Variants in PRKD1 observed in about 807,000 individuals in gnomAD.
PRKD1 encodes protein kinase D1.
PRKD1 carries 63 observed loss-of-function variants against 95.9 expected under a neutral mutation model. That is an observed-to-expected ratio of 0.66 (90% CI 0.54 to 0.81). The LOEUF (loss-of-function observed/expected upper bound fraction) is 0.81, where lower values mean the gene tolerates loss of function less well. Ranked by LOEUF, PRKD1 falls within the 30% of genes least tolerant of loss-of-function variation. The pLI, the probability that PRKD1 is intolerant of heterozygous loss-of-function variation, is 0.00. For synonymous variants in PRKD1, 425 were observed against 423.1 expected, an observed-to-expected ratio of 1.00 and a Z score of -0.05; for missense variants, 1,048 against 1,165.3, an observed-to-expected ratio of 0.90 and a Z score of 1.47.
chr14:29,837,497 T>C (rs940666329), intron 1 of PRKD1, among the ~76,000 whole-genome samples: 17 of 152,214 alleles, frequency 1.1e-4, no homozygotes, highest in African/African-American at 3.6e-4. Flanking sequence ...ATCACATCCA[T>C]TTGTAAAAAC....
At chr14:29,826,435 AATAT>A (rs199951386) in intron 1 of PRKD1, among the ~76,000 whole-genome samples, 1 of 100,600 alleles carries the variant, frequency 9.9e-6, no homozygotes, top group Admixed American at 1.4e-4. Context: ...TATATGATGG[AATAT>A]ATATATACAT....
chr14:29,818,287 A>G (rs922871640), intron 1 of PRKD1, among the ~76,000 whole-genome samples: 10 of 152,350 alleles, frequency 6.6e-5, no homozygotes, highest in African/African-American at 2.4e-4. Flanking sequence ...AAACAGAAAC[A>G]CCATACCACA....
intron 13 of PRKD1, among the ~76,000 whole-genome samples, chr14:29,609,856 G>T (rs1391560930): frequency 6.6e-6 from 1 of 151,662 alleles, no homozygotes; most frequent in Non-Finnish European, 1.5e-5. Flanking sequence ...ACCATGCCCG[G>T]CCAAAAACCA....
chr14:29,768,381 A>G (rs965768710), intron 1 of PRKD1, among the ~76,000 whole-genome samples: 1 of 152,228 alleles, frequency 6.6e-6, no homozygotes, highest in African/African-American at 2.4e-5. Context: ...TTCATCCTCT[A>G]TTAATCACTG....
chr14:29,784,730 A>G (rs534966870), intron 1 of PRKD1, among the ~76,000 whole-genome samples: 1 of 152,306 alleles, frequency 6.6e-6, no homozygotes, highest in East Asian at 1.9e-4. Flanking sequence ...ATCAGCTGGC[A>G]TGGCAACTGT....
intron 1 of PRKD1, 67 bp downstream of exon 1, chr14:29,927,182 G>C: frequency 7.2e-7 from 1 of 1,381,540 alleles, no homozygotes; most frequent in Non-Finnish European, 9.4e-7. Flanking sequence ...GGCGCGGAGA[G>C]GGCCAGCCGG....
At chr14:29,720,782 A>G (rs1885852399) in intron 2 of PRKD1, among the ~76,000 whole-genome samples, 1 of 151,304 alleles carries the variant, frequency 6.6e-6, no homozygotes, top group African/African-American at 2.4e-5. Flanking sequence ...TCTGTCTCAA[A>G]AAAAATAAAT....
rs796557046 is a variant in PRKD1 at position 29,737,328 on chromosome 14, C to CAAAAAAAAAAA, written c.265-11665_265-11655dup. Among the ~76,000 whole-genome samples, 19 of 37,934 alleles carry CAAAAAAAAAAA rather than the reference C, an allele frequency of 5.0e-4. 2 individuals are homozygous for CAAAAAAAAAAA. Among genetic ancestry groups the CAAAAAAAAAAA allele is most frequent in the African/African-American group, 1.4e-3 (14 of 10,230 alleles). 24.9% of individuals were successfully genotyped at this position (37,934 alleles called of 152,430 possible). Reference sequence around the variant, plus strand: ...TGGGCGACAGAGCGAGACTCCGTCTCAAAAAAAAAAAAAAAAAAAAAAAAA... The same window carrying CAAAAAAAAAAA: ...TGGGCGACAGAGCGAGACTCCGTCTCAAAAAAAAAAAAAAAAAAAAAAAAAAAAAAAAAAAA... On this transcript the variant is annotated intron_variant, in intron 1 of 17. Coordinates refer to ENST00000331968, the MANE Select transcript of PRKD1 (RefSeq NM_002742.3).
chr14:29,622,403 T>C (rs1333549158), intron 13 of PRKD1, among the ~76,000 whole-genome samples: 14 of 130,752 alleles, frequency 1.1e-4, no homozygotes, highest in African/African-American at 3.6e-4. Flanking sequence ...CTTCCTTCTG[T>C]TTTTATTATT....
chr14:29,852,908 T>G (rs1332203718), intron 1 of PRKD1, among the ~76,000 whole-genome samples: 1 of 152,134 alleles, frequency 6.6e-6, no homozygotes, highest in African/African-American at 2.4e-5. Flanking sequence ...TGAATGTAAG[T>G]AGATCAAACT....
chr14:29,922,034 G>A (rs903570718), intron 1 of PRKD1, among the ~76,000 whole-genome samples: 2 of 152,198 alleles, frequency 1.3e-5, no homozygotes, highest in African/African-American at 4.8e-5. Flanking sequence ...TGAATTGATA[G>A]AAAAATATAA....
intron 17 of PRKD1, 31 bp downstream of exon 17, chr14:29,578,244 C>G: frequency 6.8e-7 from 1 of 1,473,472 alleles, no homozygotes; most frequent in Non-Finnish European, 9.3e-7. Flanking sequence ...GAAGCTCATT[C>G]AACTAAGAAA....
chr14:29,617,304 AGGGATTATAGGTGTGAGCT>A (rs1026344449), intron 13 of PRKD1, among the ~76,000 whole-genome samples: 1 of 152,040 alleles, frequency 6.6e-6, no homozygotes. Flanking sequence ...CCACTTTGAG[AGGGATTATAGGTGTGAGCT>A]GGGATTATAG....
intron 1 of PRKD1, among the ~76,000 whole-genome samples, chr14:29,794,272 C>A (rs948230342): frequency 6.6e-6 from 1 of 151,430 alleles, no homozygotes; most frequent in Non-Finnish European, 1.5e-5. Flanking sequence ...TTATTATATT[C>A]TTTTTAAAGT....
intron 1 of PRKD1, among the ~76,000 whole-genome samples, chr14:29,891,714 G>A (rs1893943830): frequency 6.6e-6 from 1 of 151,778 alleles, no homozygotes; most frequent in South Asian, 2.1e-4. Flanking sequence ...CATATTTGCG[G>A]TGAATTTCTA....
At chr14:29,870,415 T>C (rs2139376045) in intron 1 of PRKD1, among the ~76,000 whole-genome samples, 1 of 152,286 alleles carries the variant, frequency 6.6e-6, no homozygotes, top group Admixed American at 6.5e-5. Context: ...GAATTATGGC[T>C]TGATTTGCCT....
chr14:29,595,198 T>C (rs897999629), intron 16 of PRKD1, among the ~76,000 whole-genome samples: 4 of 152,190 alleles, frequency 2.6e-5, no homozygotes, highest in African/African-American at 9.7e-5. Flanking sequence ...GTAAAATGTG[T>C]ACTTCCTAGT....
At chr14:29,695,912 A>G (rs1884489907) in intron 2 of PRKD1, among the ~76,000 whole-genome samples, 1 of 152,186 alleles carries the variant, frequency 6.6e-6, no homozygotes, top group Admixed American at 6.5e-5. Flanking sequence ...GGTTGATAGC[A>G]TTTTACAATA....
chr14:29,790,429 C>T (rs1889489871), intron 1 of PRKD1, among the ~76,000 whole-genome samples: 1 of 152,006 alleles, frequency 6.6e-6, no homozygotes, highest in Admixed American at 6.6e-5. Flanking sequence ...TTTAGTTTTG[C>T]TTTTTGAATA....
Sources: allele counts gnomAD v4.1 joint callset (sites outside exome capture counted in the v4.1 genomes callset), GRCh38; gene constraint gnomAD v4.1.1; transcripts MANE v1.5; gene names NCBI Gene and HGNC (gene_info 2026-07-23, HGNC 2026-07-21).